ENAH: variants seen among roughly 807,000 people sequenced by gnomAD.
ENAH encodes ENAH actin regulator, also known as protein enabled homolog.
In ENAH, 23 loss-of-function variants were observed where a neutral mutation model predicts 78.7. That is an observed-to-expected ratio of 0.29 (90% CI 0.21 to 0.41). ENAH has a LOEUF of 0.41. ENAH is among the 10% of genes least tolerant of loss of function. The pLI is 1.00. For synonymous variants in ENAH, 226 were observed against 241.0 expected (o/e 0.94, Z 0.58); for missense variants, 544 against 691.0 (o/e 0.79, Z 2.39).
chr1:225,537,603 G>C (rs1415263347), intron 3 of ENAH, among the ~76,000 whole-genome samples: 1 of 152,136 alleles, frequency 6.6e-6, no homozygotes, highest in Non-Finnish European at 1.5e-5. Context: ...TTATTGTCCA[G>C]GTTGAGTAAA....
At chr1:225,608,524 G>A (rs2096969493) in intron 1 of ENAH, among the ~76,000 whole-genome samples, 1 of 151,698 alleles carries the variant, frequency 6.6e-6, no homozygotes. Flanking sequence ...TTTCTTATAA[G>A]GGTCTTGGAG....
intron 1 of ENAH, among the ~76,000 whole-genome samples, chr1:225,578,834 TAGTC>T (rs1430318824): frequency 3.3e-5 from 5 of 152,292 alleles, no homozygotes; most frequent in East Asian, 1.9e-4. Flanking sequence ...GCTCCCCAGT[TAGTC>T]AGTTATAAAG....
At chr1:225,543,381 C>T (rs983798984) in intron 3 of ENAH, among the ~76,000 whole-genome samples, 5 of 152,226 alleles carry the variant, frequency 3.3e-5, no homozygotes, top group African/African-American at 1.2e-4. Context: ...TTTCTTCCTA[C>T]ATGAATGACA....
chr1:225,579,808 TATAA>T (rs1031876704), intron 1 of ENAH, among the ~76,000 whole-genome samples: 27 of 152,242 alleles, frequency 1.8e-4, no homozygotes, highest in African/African-American at 6.5e-4. Flanking sequence ...TATTTTCAGT[TATAA>T]ATATTTTCAT....
rs1658510427 is a variant in ENAH, at chr1:225,629,157, A to T, written c.5+23529T>A. On this transcript the variant is annotated intron_variant, in intron 1 of 13. Transcript: ENST00000366843. ...GATGGGCGTGGTGGACAGTGCCTGT[A>T]ACACCAGCTACTTGGGAAGCTGGGT... 1.3e-5 allele frequency among the ~76,000 whole-genome samples: 2 copies of T among 151,778 alleles called. 1 individual carries two copies. The highest frequency in any genetic ancestry group is 4.2e-4 in the South Asian group (2 of 4,814).
At chr1:225,577,849 C>G (rs188583950) in intron 1 of ENAH, among the ~76,000 whole-genome samples, 54 of 152,250 alleles carry the variant, frequency 3.5e-4, no homozygotes, top group Admixed American at 2.9e-3. Context: ...GAGAATGTAC[C>G]TACCACATGT....
chr1:225,621,600 T>G (rs1229434578), intron 1 of ENAH, among the ~76,000 whole-genome samples: 1 of 152,308 alleles, frequency 6.6e-6, no homozygotes, highest in African/African-American at 2.4e-5. Flanking sequence ...CCTAAATCTA[T>G]CTCTTAATCA....
At chr1:225,634,526 A>T (rs1393351544) in intron 1 of ENAH, among the ~76,000 whole-genome samples, 1 of 152,196 alleles carries the variant, frequency 6.6e-6, no homozygotes, top group Non-Finnish European at 1.5e-5. Context: ...CAACCCTGTA[A>T]CAGGGAATTA....
chr1:225,584,271 A>G (rs2096834600), intron 1 of ENAH, among the ~76,000 whole-genome samples: 1 of 152,268 alleles, frequency 6.6e-6, no homozygotes, highest in African/African-American at 2.4e-5. Context: ...TCAGACAAAT[A>G]CAGCAAAACA....
chr1:225,648,687 T>C (rs1662414475), intron 1 of ENAH, among the ~76,000 whole-genome samples: 1 of 151,832 alleles, frequency 6.6e-6, no homozygotes, highest in Non-Finnish European at 1.5e-5. Context: ...AAGAGACTAC[T>C]ATTTGTATCC....
At chr1:225,613,799 T>C (rs2148155670) in intron 1 of ENAH, among the ~76,000 whole-genome samples, 1 of 152,318 alleles carries the variant, frequency 6.6e-6, no homozygotes, top group South Asian at 2.1e-4. Context: ...CCAGATTCTC[T>C]GGCAGACACT....
At position 225,507,901 on chromosome 1, in the gene ENAH, A is replaced by AT. The variant is rs537036379; in HGVS notation, c.1538+49dup. 622 of 1,325,888 alleles carry AT rather than the reference A, an allele frequency of 4.7e-4. 2 individuals carry two copies. The highest frequency in any genetic ancestry group is 3.1e-3 in the South Asian group (216 of 68,850). 82.1% of individuals were successfully genotyped at this position (1,325,888 alleles called of 1,614,324 possible). A position where few individuals can be genotyped will look rare whatever the true frequency, so the allele number is the denominator to read the frequency against. On this transcript the variant is annotated intron_variant, in intron 11 of 13. Coordinates refer to ENST00000366843, the MANE Select transcript of ENAH (RefSeq NM_018212.6). ...TTTTTTCTACACTAAGAATGCATTA[A>AT]TTTTTTTTTATACAAATAAAATATA...
chr1:225,565,519 G>A (rs2096730378), intron 2 of ENAH, among the ~76,000 whole-genome samples: 3 of 152,010 alleles, frequency 2.0e-5, no homozygotes, highest in African/African-American at 7.2e-5. Context: ...TTGTTCATCA[G>A]TACTTTCAAA....
chr1:225,651,183 T>A (rs1304556934), intron 1 of ENAH, among the ~76,000 whole-genome samples: 3 of 152,118 alleles, frequency 2.0e-5, no homozygotes, highest in African/African-American at 7.2e-5. Context: ...ATCGCTTATA[T>A]TTGAAAATAA....
At chr1:225,528,509 G>T (rs993119969) in intron 4 of ENAH, among the ~76,000 whole-genome samples, 1 of 152,152 alleles carries the variant, frequency 6.6e-6, no homozygotes, top group African/African-American at 2.4e-5. Context: ...GCAGGGAGAT[G>T]ACAAGACAGG....
intron 1 of ENAH, among the ~76,000 whole-genome samples, chr1:225,618,440 A>G (rs760817181): frequency 2.0e-5 from 3 of 152,202 alleles, no homozygotes; most frequent in Non-Finnish European, 4.4e-5. Flanking sequence ...CTAGTGGCCA[A>G]TTTGGAACCT....
At chr1:225,594,645 T>C (rs952389505) in intron 1 of ENAH, among the ~76,000 whole-genome samples, 3 of 152,200 alleles carry the variant, frequency 2.0e-5, no homozygotes, top group Admixed American at 6.5e-5. Flanking sequence ...AATATTAATA[T>C]CTGAAGCATA....
At chr1:225,545,057 T>C (rs2096606901) in intron 3 of ENAH, among the ~76,000 whole-genome samples, 1 of 152,230 alleles carries the variant, frequency 6.6e-6, no homozygotes, top group African/African-American at 2.4e-5. Flanking sequence ...TTGCCACTTC[T>C]GTGACTTGCA....
intron 1 of ENAH, among the ~76,000 whole-genome samples, chr1:225,642,000 G>T (rs1388266424): frequency 1.3e-5 from 2 of 150,956 alleles, no homozygotes; most frequent in African/African-American, 4.9e-5. Context: ...CGGCCTGGGG[G>T]ACACAGCAAG....
Sources: gnomAD v4.1 joint callset for allele counts (sites outside exome capture counted in the v4.1 genomes callset) on GRCh38, gnomAD v4.1.1 for gene constraint, MANE v1.5 for transcripts, NCBI Gene and HGNC (gene_info 2026-07-23, HGNC 2026-07-21) for gene names.